MMP1: variants seen among roughly 807,000 people sequenced by gnomAD.
MMP1 encodes matrix metallopeptidase 1.
Under a neutral mutation model 49.6 loss-of-function variants are expected in MMP1, and 51 were observed. The observed-to-expected ratio is 1.03, with a 90% CI of 0.82 to 1.30. MMP1 has a LOEUF of 1.30. MMP1 is among the 50% of genes most tolerant of loss of function. The pLI is 0.00. For synonymous variants in MMP1, 230 were observed against 196.8 expected (o/e 1.17, Z -1.41); for missense variants, 623 against 568.7 (o/e 1.10, Z -0.97).
At chr11:102,796,642 G>A in intron 4 of MMP1, 22 bp downstream of exon 4, 2 of 1,608,944 alleles carry the variant, frequency 1.2e-6, no homozygotes, top group Non-Finnish European at 1.7e-6. Context: ...AGAATTGAGA[G>A]AGGCAAATTT....
At chr11:102,795,664 A>G (rs1858168179) in intron 4 of MMP1, 57 bp from the exon 5 acceptor site, 2 of 1,396,300 alleles carry the variant, frequency 1.4e-6, no homozygotes, top group East Asian at 4.9e-5. Flanking sequence ...GTTTTGAGGC[A>G]TTTAACTAAT....
chr11:102,795,504 A>G lies in MMP1; in HGVS notation c.729T>C (p.Ser243=). The change falls in exon 5 of 10, where the codon AGT becomes AGC. Residue 243 remains serine, a synonymous_variant. Coordinates refer to ENST00000315274, the MANE Select transcript of MMP1 (RefSeq NM_002421.4). The part of the protein sequence containing the change: ...GALMYPSYTF[S]GDVQLAQDDI... ...CATCCTGAGCTAGCTGAACATCACCACTGAAGGTGTAGCTAGGGTACATCA... is the reference window on the plus strand; with the variant it reads ...CATCCTGAGCTAGCTGAACATCACCGCTGAAGGTGTAGCTAGGGTACATCA... The G allele has an allele frequency of 6.2e-7, 1 of 1,614,082 alleles. No homozygotes were observed. The highest frequency in any genetic ancestry group is 8.5e-7 in the Non-Finnish European group (1 of 1,180,018).
Position 102,795,438 on chromosome 11 carries a change from T to C in MMP1, c.781+14A>G. 1.2e-6 allele frequency: 2 copies of C among 1,610,984 alleles called. No homozygotes were observed. The highest frequency in any genetic ancestry group is 1.7e-6 in the Non-Finnish European group (2 of 1,178,972). The stretch of plus-strand genomic sequence containing the variant: ...CACCAGGCCCTTGTCCGTAATGTTT[T>C]TCCCCATACTCACCATATATGGCTT... On this transcript the variant is annotated intron_variant, in intron 5 of 9. Transcript: ENST00000315274.
chr11:102,797,208 C>T, intron 2 of MMP1, 46 bp from the exon 3 acceptor site: 1 of 1,613,418 alleles, frequency 6.2e-7, no homozygotes, highest in Non-Finnish European at 8.5e-7. Flanking sequence ...GACTTCTTAC[C>T]ACTGTCATGG....
chr11:102,791,632 G>T (rs1187288071), intron 7 of MMP1, 137 bp from the exon 8 acceptor site: 8 of 873,794 alleles, frequency 9.2e-6, no homozygotes, highest in Non-Finnish European at 1.2e-5. Flanking sequence ...GGAGATTTTT[G>T]AAAATACTGA....
At chr11:102,797,912 A>G in intron 1 of MMP1, 76 bp downstream of exon 1, 1 of 1,142,456 alleles carries the variant, frequency 8.8e-7, no homozygotes, top group Non-Finnish European at 1.2e-6. Context: ...CCTATCCTTA[A>G]AAAACTCTAT....
At chr11:102,795,700 A>C in intron 4 of MMP1, 93 bp from the exon 5 acceptor site, 2 of 1,072,450 alleles carry the variant, frequency 1.9e-6, no homozygotes, top group Non-Finnish European at 1.3e-6. Flanking sequence ...ACAAGGACTC[A>C]TGTTACTATT....
Position 102,790,715 on chromosome 11 carries a change from A to C in MMP1, c.1288T>G (p.Phe430Val). 1.9e-6 allele frequency: 3 copies of C among 1,608,880 alleles called. No individual in the cohort carries two copies. The highest frequency in any genetic ancestry group is 1.3e-5 in the African/African-American group (1 of 74,942). The change falls in exon 9 of 10, where the codon TTC (phenylalanine) becomes GTC (valine). Residue 430 changes from phenylalanine to valine, a missense_variant. Coordinates refer to ENST00000315274, the MANE Select transcript of MMP1 (RefSeq NM_002421.4). ...PGIGHKVDAV[F>V]MKDGFFYFFH... ...TATATTCACTTACCATCTTTCATGA[A>C]AACTGCATCAACTTTGTGGCCAATT...
In MMP1 at chr11:102,792,599, G is replaced by A; in HGVS notation, c.1033+6C>T. Reference sequence around the variant, plus strand: ...TAAAGCAGTGAAAAATAATTAGAAAGATTACCTTTGAAAAACCGGACTTCA... The same window carrying A: ...TAAAGCAGTGAAAAATAATTAGAAAAATTACCTTTGAAAAACCGGACTTCA... On this transcript the variant is annotated splice_donor_region_variant and intron_variant, in intron 7 of 9. Coordinates refer to ENST00000315274, the MANE Select transcript of MMP1 (RefSeq NM_002421.4). 1 of 1,612,918 alleles carries A rather than the reference G, an allele frequency of 6.2e-7. No homozygotes were observed. The highest frequency in any genetic ancestry group is 1.1e-5 in the South Asian group (1 of 90,836).
rs1858159853 is a variant in MMP1 at position 102,795,454 on chromosome 11, T to C, written c.779A>G (p.Tyr260Cys). The change falls in exon 5 of 10, where the codon TAT (tyrosine) becomes TGT (cysteine). Residue 260 changes from tyrosine to cysteine, a missense_variant and splice_region_variant. Tyr to Cys is a radical substitution (Grantham distance 194, BLOSUM62 -2). Coordinates refer to ENST00000315274, the MANE Select transcript of MMP1 (RefSeq NM_002421.4). Reference sequence around the variant, plus strand: ...GTAATGTTTTTCCCCATACTCACCATATATGGCTTGGATGCCATCAATGTC... The same window carrying C: ...GTAATGTTTTTCCCCATACTCACCACATATGGCTTGGATGCCATCAATGTC... ...QDDIDGIQAI[Y>C]GRSQNPVQPI... The C allele has an allele frequency of 5.6e-6, 9 of 1,613,502 alleles. No homozygotes were observed. The highest frequency in any genetic ancestry group is 1.1e-5 in the South Asian group (1 of 90,876).
At position 102,798,001 on chromosome 11, in the gene MMP1, A is replaced by C. The variant is rs1463376019; in HGVS notation, c.92T>G (p.Val31Gly). 6 of 1,612,720 alleles carry C rather than the reference A, an allele frequency of 3.7e-6. No individual in the cohort carries two copies. Among genetic ancestry groups the C allele is most frequent in the Non-Finnish European group, 5.1e-6 (6 of 1,179,160 alleles). ...TGCAGCATTTACCTGGACTAAGTCC[A>C]CATCTTGCTCTTGTGTTTCTAGAGT... ...PATLETQEQD[V>G]DLVQKYLEKY... Residue 31 changes from valine (V) to glycine (G), a missense_variant, in exon 1 of 10, where the codon GTG becomes GGG. Val to Gly is a moderately radical substitution (Grantham distance 109). Coordinates refer to ENST00000315274, the MANE Select transcript of MMP1 (RefSeq NM_002421.4).
Position 102,795,301 on chromosome 11 carries a change from A to G in MMP1, c.782-10T>C. On this transcript the variant is annotated splice_polypyrimidine_tract_variant and intron_variant, in intron 5 of 9. Transcript: ENST00000315274. ...GGATTTTGGGAACGTCCTAAGGAAA[A>G]TAAAATACCTAGAGTTAGTTTTGCC... The G allele has an allele frequency of 6.2e-7, 1 of 1,613,450 alleles. No homozygotes were observed. The highest frequency in any genetic ancestry group is 8.5e-7 in the Non-Finnish European group (1 of 1,179,544).
chr11:102,795,348 A>G (rs1858155786), intron 5 of MMP1, 57 bp from the exon 6 acceptor site: 2 of 1,604,760 alleles, frequency 1.2e-6, no homozygotes, highest in Non-Finnish European at 1.7e-6. Context: ...AACTACATAA[A>G]CAATGAAGAC....
intron 8 of MMP1, among the ~76,000 whole-genome samples, 177 bp from the exon 9 acceptor site, chr11:102,790,983 G>A (rs1026800397): frequency 6.6e-6 from 1 of 152,200 alleles, no homozygotes; most frequent in Non-Finnish European, 1.5e-5. Context: ...AGGCCTTTAA[G>A]GCCCCTCTGA....
In MMP1 at chr11:102,796,644, G is replaced by A. The variant is rs1858198456; in HGVS notation, c.625+20C>T. 2.5e-6 allele frequency: 4 copies of A among 1,609,600 alleles called. No homozygotes were observed. The highest frequency in any genetic ancestry group is 3.4e-6 in the Non-Finnish European group (4 of 1,178,190). ...ATGAAGGGGTGGGAGAATTGAGAGAGGCAAATTTGATTGGCTTACCTCTGA... is the reference window on the plus strand; with the variant it reads ...ATGAAGGGGTGGGAGAATTGAGAGAAGCAAATTTGATTGGCTTACCTCTGA... On this transcript the variant is annotated intron_variant, in intron 4 of 9. Transcript: ENST00000315274.
intron 6 of MMP1, chr11:102,793,158 C>T (rs1177248947): frequency 6.6e-6 from 1 of 152,538 alleles, no homozygotes; most frequent in Non-Finnish European, 1.5e-5. Flanking sequence ...CTCACTCTCT[C>T]ACCCAGGCTG....
chr11:102,797,972 G>T lies in MMP1; in HGVS notation c.105+16C>A, dbSNP rs763277686. On this transcript the variant is annotated intron_variant, in intron 1 of 9. Transcript: ENST00000315274. ...CTAAAAATTTACATTATTGTCACAT[G>T]CAATGCAGCATTTACCTGGACTAAG... The T allele has an allele frequency of 2.6e-6, 4 of 1,553,514 alleles. No homozygotes were observed. Among genetic ancestry groups the T allele is most frequent in the Admixed American group, 1.7e-5 (1 of 58,048 alleles).
chr11:102,795,653 A>C, intron 4 of MMP1, 46 bp from the exon 5 acceptor site: 1 of 1,492,394 alleles, frequency 6.7e-7, no homozygotes, highest in South Asian at 1.3e-5. Context: ...AAAGGTATTC[A>C]GTTTTGAGGC....
At chr11:102,792,312 G>A (rs1565210411) in intron 7 of MMP1, among the ~76,000 whole-genome samples, 1 of 152,150 alleles carries the variant, frequency 6.6e-6, no homozygotes, top group Non-Finnish European at 1.5e-5. Context: ...GTACTCCCAG[G>A]AATATGGAGG....
Sources: allele counts gnomAD v4.1 joint callset (sites outside exome capture counted in the v4.1 genomes callset), GRCh38; gene constraint gnomAD v4.1.1; transcripts MANE v1.5; gene names NCBI Gene and HGNC (gene_info 2026-07-23, HGNC 2026-07-21).